The following OPRM1 variants were observed in gnomAD, a reference collection of about 807,000 sequenced individuals.
OPRM1 encodes the protein opioid receptor mu 1.
OPRM1 carries 27 observed loss-of-function variants against 31.8 expected under a neutral mutation model. That is an observed-to-expected ratio of 0.85 (90% CI 0.63 to 1.17). OPRM1 has a LOEUF of 1.17. OPRM1 is among the 50% of genes most tolerant of loss of function. The pLI is 0.00. For missense variants in OPRM1, 536 were observed against 511.1 expected (o/e 1.05, Z -0.47); for synonymous variants, 196 against 189.9 (o/e 1.03, Z -0.26).
intron 3 of OPRM1, among the ~76,000 whole-genome samples, chr6:154,098,414 T>C (rs941603962): frequency 2.6e-5 from 4 of 152,218 alleles, no homozygotes; most frequent in African/African-American, 9.6e-5. Flanking sequence ...CAGCCATTTT[T>C]TGTAAAAATA....
intron 3 of OPRM1, among the ~76,000 whole-genome samples, chr6:154,191,228 G>T (rs1415759315): frequency 1.3e-5 from 2 of 152,200 alleles, no homozygotes; most frequent in Non-Finnish European, 2.9e-5. Flanking sequence ...GAGGTTGTCA[G>T]GTTCCTGGGA....
chr6:154,191,491 T>C (rs1218522621), intron 3 of OPRM1, among the ~76,000 whole-genome samples: 1 of 151,976 alleles, frequency 6.6e-6, no homozygotes, highest in Non-Finnish European at 1.5e-5. Flanking sequence ...CTGGACAACA[T>C]AGTGAAACCC....
intron 3 of OPRM1, among the ~76,000 whole-genome samples, chr6:154,173,485 T>C (rs1041108157): frequency 2.6e-5 from 4 of 152,188 alleles, no homozygotes; most frequent in African/African-American, 9.6e-5. Context: ...AAATGATCTT[T>C]TGGTGCTGAA....
At chr6:154,057,816 T>TA (rs1783616583) in intron 1 of OPRM1, among the ~76,000 whole-genome samples, 1 of 152,178 alleles carries the variant, frequency 6.6e-6, no homozygotes, top group African/African-American at 2.4e-5. Context: ...ATGACCAGTC[T>TA]ACTTATGAAT....
intron 3 of OPRM1, among the ~76,000 whole-genome samples, chr6:154,097,411 C>T (rs1219355251): frequency 6.6e-6 from 1 of 151,890 alleles, no homozygotes; most frequent in East Asian, 1.9e-4. Flanking sequence ...GTTTTTTTTA[C>T]AAGACATCTG....
At chr6:154,178,803 C>T (rs1800578843) in intron 3 of OPRM1, among the ~76,000 whole-genome samples, 1 of 152,174 alleles carries the variant, frequency 6.6e-6, no homozygotes, top group Non-Finnish European at 1.5e-5. Context: ...CAAATTATCA[C>T]TCAGCTTCCT....
At position 154,130,498 on chromosome 6, in the gene OPRM1, T is replaced by G. The variant is rs1797835106; in HGVS notation, c.*11777T>G. 6.6e-6 allele frequency among the ~76,000 whole-genome samples: 1 copy of G among 152,084 alleles called. No homozygotes were observed. Among genetic ancestry groups the G allele is most frequent in the Non-Finnish European group, 1.5e-5 (1 of 68,002 alleles). ...TGTTTAAAATTTCATAAATCTTGAA[T>G]CCATAAAATTCAATGCTACCATTTA... is the stretch of plus-strand genomic sequence containing the variant. On this transcript the variant is annotated 3_prime_UTR_variant, in exon 4 of 4. Coordinates refer to ENST00000330432, the MANE Select transcript of OPRM1 (RefSeq NM_000914.5).
intron 3 of OPRM1, among the ~76,000 whole-genome samples, chr6:154,117,812 T>C (rs1384555309): frequency 6.6e-6 from 1 of 150,928 alleles, no homozygotes; most frequent in African/African-American, 2.4e-5. Flanking sequence ...TTAGAAAAAA[T>C]GTACTGAGAT....
At chr6:154,110,519 C>T in intron 3 of OPRM1, 1 of 730,452 alleles carries the variant, frequency 1.4e-6, no homozygotes, top group East Asian at 2.8e-5. Flanking sequence ...CATCCCATGG[C>T]TTAAGGGTTG....
chr6:154,057,078 A>G (rs955461558), intron 1 of OPRM1, among the ~76,000 whole-genome samples: 4 of 152,232 alleles, frequency 2.6e-5, no homozygotes, highest in African/African-American at 9.7e-5. Context: ...TCTAAGGACT[A>G]AAGATATTCT....
intron 3 of OPRM1, among the ~76,000 whole-genome samples, chr6:154,227,015 G>A (rs1779304811): frequency 6.6e-6 from 1 of 151,932 alleles, no homozygotes; most frequent in South Asian, 2.1e-4. Context: ...TGGCCAACAT[G>A]GTGAAACTCT....
At chr6:154,182,906 G>C (rs1231872961) in intron 3 of OPRM1, among the ~76,000 whole-genome samples, 1 of 152,144 alleles carries the variant, frequency 6.6e-6, no homozygotes, top group Non-Finnish European at 1.5e-5. Context: ...GGAGGCAAGA[G>C]AAAGGAAGAA....
chr6:154,096,203 T>C (rs1405718549), intron 3 of OPRM1, among the ~76,000 whole-genome samples: 1 of 152,116 alleles, frequency 6.6e-6, no homozygotes, highest in Non-Finnish European at 1.5e-5. Context: ...ATTACAGGCA[T>C]GCGCCACCAC....
chr6:154,093,308 G>C, intron 3 of OPRM1: 1 of 1,613,736 alleles, frequency 6.2e-7, no homozygotes, highest in Non-Finnish European at 8.5e-7. Context: ...GGGCTCTAGA[G>C]CAAGGCTGCT....
At chr6:154,204,883 C>G (rs1777362742) in intron 3 of OPRM1, among the ~76,000 whole-genome samples, 1 of 152,196 alleles carries the variant, frequency 6.6e-6, no homozygotes. Context: ...ACATGAACCC[C>G]TAAGGACTCC....
intron 3 of OPRM1, chr6:154,110,526 G>A (rs1407379615): frequency 1.5e-6 from 1 of 674,318 alleles, no homozygotes. Context: ...TGGCTTAAGG[G>A]TTGCTTATGG....
At chr6:154,180,414 A>ATATATATATATATATATATTTTTTT (rs1241250621) in intron 3 of OPRM1, among the ~76,000 whole-genome samples, 4 of 65,266 alleles carry the variant, frequency 6.1e-5, no homozygotes, top group African/African-American at 1.9e-4. Flanking sequence ...ATATATATAT[A>ATATATATATATATATATATTTTTTT]TTTTTTTTTT....
intron 1 of OPRM1, among the ~76,000 whole-genome samples, chr6:154,013,441 G>T (rs1236913383): frequency 2.6e-5 from 4 of 152,156 alleles, no homozygotes; most frequent in African/African-American, 7.2e-5. Flanking sequence ...GAAAGAATTT[G>T]TGAATTTATG....
intron 1 of OPRM1, among the ~76,000 whole-genome samples, chr6:154,044,480 A>G (rs1270856400): frequency 1.3e-5 from 2 of 152,098 alleles, no homozygotes; most frequent in Non-Finnish European, 2.9e-5. Flanking sequence ...ACAAACAAAC[A>G]TTCGGGCCAT....
Sources: gnomAD v4.1 joint callset for allele counts (sites outside exome capture counted in the v4.1 genomes callset) on GRCh38, gnomAD v4.1.1 for gene constraint, MANE v1.5 for transcripts, NCBI Gene and HGNC (gene_info 2026-07-23, HGNC 2026-07-21) for gene names.